ARPP21: variants seen among roughly 807,000 people sequenced by gnomAD.
ARPP21 encodes cAMP regulated phosphoprotein 21.
ARPP21 carries 69 observed loss-of-function variants against 113.2 expected under a neutral mutation model. That is an observed-to-expected ratio of 0.61 (90% CI 0.50 to 0.74). ARPP21 has a LOEUF of 0.74. Ranked by LOEUF, ARPP21 falls within the 30% of genes least tolerant of loss-of-function variation. The pLI is 0.00. For synonymous variants in ARPP21, 368 were observed against 375.5 expected (o/e 0.98, Z 0.23); for missense variants, 1,070 against 1,037.4 (o/e 1.03, Z -0.43).
intron 5 of ARPP21, chr3:35,685,291 G>T: frequency 3.0e-6 from 3 of 985,272 alleles, no homozygotes; most frequent in Non-Finnish European, 3.6e-6. Flanking sequence ...ATGGTGCTTT[G>T]TTCCTGCTGG....
intron 19 of ARPP21, among the ~76,000 whole-genome samples, chr3:35,757,835 A>G (rs916217390): frequency 6.6e-6 from 1 of 152,070 alleles, no homozygotes; most frequent in Non-Finnish European, 1.5e-5. Context: ...TTTATTCAAA[A>G]CTCATTATTT....
At chr3:35,753,871 A>G (rs1393173657) in intron 19 of ARPP21, among the ~76,000 whole-genome samples, 1 of 152,004 alleles carries the variant, frequency 6.6e-6, no homozygotes, top group South Asian at 2.1e-4. Context: ...GGAATTTACA[A>G]ATTTATTTAA....
Position 35,682,947 on chromosome 3 carries a change from A to G in ARPP21, c.171+58A>G, listed in dbSNP as rs373888279. 10 of 1,459,104 alleles carry G rather than the reference A, an allele frequency of 6.9e-6. No individual in the cohort carries two copies. In the African/African-American group the frequency reaches 1.2e-4, roughly 17 times the overall value. 90.4% of individuals were successfully genotyped at this position (1,459,104 alleles called of 1,614,324 possible). ...ATCATGGGTATAAATTACATATTTT[A>G]CATCAGAGTTAAAGGATTTGCCAGC... On this transcript the variant is annotated intron_variant, in intron 4 of 20. Coordinates refer to ENST00000684406, the MANE Select transcript of ARPP21 (RefSeq NM_001385562.1).
chr3:35,669,023 C>A (rs1227886523), intron 1 of ARPP21, among the ~76,000 whole-genome samples: 2 of 152,066 alleles, frequency 1.3e-5, no homozygotes. Context: ...CACAGTTTTA[C>A]ATTTATTTTT....
In ARPP21 at chr3:35,656,778, C is replaced by T. The variant is rs146483670; in HGVS notation, c.-213+16380C>T. 2.8e-3 allele frequency among the ~76,000 whole-genome samples: 426 copies of T among 151,724 alleles called. 2 individuals are homozygous for T. The highest frequency in any genetic ancestry group is 9.4e-3 in the African/African-American group (391 of 41,420). On this transcript the variant is annotated intron_variant, in intron 1 of 20. Coordinates refer to ENST00000684406, the MANE Select transcript of ARPP21 (RefSeq NM_001385562.1). ...ATACAAGTGTTAAAATTAATAAAACCATACAGCCCCTAAAAAAGTCAAATT... is the reference window on the plus strand; with the variant it reads ...ATACAAGTGTTAAAATTAATAAAACTATACAGCCCCTAAAAAAGTCAAATT...
chr3:35,645,797 G>A (rs1462493599), intron 1 of ARPP21, among the ~76,000 whole-genome samples: 2 of 151,828 alleles, frequency 1.3e-5, no homozygotes, highest in Non-Finnish European at 2.9e-5. Flanking sequence ...CATATACTTA[G>A]CAGATTTCCT....
intron 19 of ARPP21, among the ~76,000 whole-genome samples, chr3:35,754,062 G>A (rs1019529877): frequency 6.6e-6 from 1 of 151,066 alleles, no homozygotes; most frequent in Non-Finnish European, 1.5e-5. Flanking sequence ...GGCTGGAGAT[G>A]GGGAGAAGGA....
chr3:35,682,823 G>A, intron 3 of ARPP21, 25 bp from the exon 4 acceptor site: 1 of 1,590,188 alleles, frequency 6.3e-7, no homozygotes. Flanking sequence ...ATTTTATTTT[G>A]TTTTATTTTC....
intron 1 of ARPP21, among the ~76,000 whole-genome samples, chr3:35,670,797 A>T (rs2076152887): frequency 6.6e-6 from 1 of 152,104 alleles, no homozygotes; most frequent in Non-Finnish European, 1.5e-5. Flanking sequence ...TTTTCCTCCC[A>T]GGAATGTATT....
intron 1 of ARPP21, among the ~76,000 whole-genome samples, chr3:35,656,266 T>C (rs1432446084): frequency 2.0e-5 from 3 of 151,758 alleles, no homozygotes; most frequent in African/African-American, 7.3e-5. Flanking sequence ...ATAATAATAA[T>C]CCCCTAATCC....
At chr3:35,696,710 A>G (rs756186848) in intron 9 of ARPP21, among the ~76,000 whole-genome samples, 16 of 151,550 alleles carry the variant, frequency 1.1e-4, no homozygotes, top group Non-Finnish European at 1.3e-4. Context: ...TTGATATTAT[A>G]AATGATATTT....
At chr3:35,685,366 G>T in intron 5 of ARPP21, 9 of 985,336 alleles carry the variant, frequency 9.1e-6, no homozygotes, top group Non-Finnish European at 1.1e-5. Context: ...CCTCTCTTTG[G>T]ATTGGCTGAG....
chr3:35,685,152 A>G, intron 5 of ARPP21: 1 of 985,378 alleles, frequency 1.0e-6, no homozygotes, highest in South Asian at 4.7e-5. Flanking sequence ...TTATAGACTT[A>G]ATCTGCTTTT....
intron 1 of ARPP21, among the ~76,000 whole-genome samples, chr3:35,653,461 G>T (rs1335765888): frequency 6.6e-6 from 1 of 151,978 alleles, no homozygotes; most frequent in Non-Finnish European, 1.5e-5. Context: ...TTTTGAAACT[G>T]CCGCAAAGTA....
At chr3:35,666,262 T>G (rs1247445816) in intron 1 of ARPP21, among the ~76,000 whole-genome samples, 1 of 152,068 alleles carries the variant, frequency 6.6e-6, no homozygotes, top group Non-Finnish European at 1.5e-5. Context: ...TTTCTGAAAA[T>G]TTTTTACTGG....
At chr3:35,763,109 A>C (rs2095841192) in intron 19 of ARPP21, among the ~76,000 whole-genome samples, 1 of 152,172 alleles carries the variant, frequency 6.6e-6, no homozygotes, top group Admixed American at 6.6e-5. Flanking sequence ...AAGAGTTCTA[A>C]TAATAATAGC....
intron 19 of ARPP21, among the ~76,000 whole-genome samples, chr3:35,790,228 C>T (rs572153147): frequency 6.6e-6 from 1 of 152,276 alleles, no homozygotes; most frequent in African/African-American, 2.4e-5. Context: ...AGAAGTAAGG[C>T]CTTATTATAT....
At chr3:35,730,788 T>A (rs1168091840) in intron 15 of ARPP21, among the ~76,000 whole-genome samples, 1 of 152,234 alleles carries the variant, frequency 6.6e-6, no homozygotes. Flanking sequence ...AAATAGTTAC[T>A]TGAATAATTG....
At chr3:35,640,432 A>G (rs1036872304) in intron 1 of ARPP21, 34 bp downstream of exon 1, 2 of 152,166 alleles carry the variant, frequency 1.3e-5, no homozygotes, top group Non-Finnish European at 2.9e-5. Flanking sequence ...TGAACATTGC[A>G]CGCCTTTTGT....
Sources: gnomAD v4.1 joint callset for allele counts (sites outside exome capture counted in the v4.1 genomes callset) on GRCh38, gnomAD v4.1.1 for gene constraint, MANE v1.5 for transcripts, NCBI Gene and HGNC (gene_info 2026-07-23, HGNC 2026-07-21) for gene names.